NTAQ1: variants seen among roughly 807,000 people sequenced by gnomAD.
The protein encoded by NTAQ1 is N-terminal glutamine amidase 1.
In NTAQ1, 21 loss-of-function variants were observed where a neutral mutation model predicts 28.2. The observed-to-expected ratio is 0.74, with a 90% CI of 0.53 to 1.07. The LOEUF is 1.07. Among genes scored for constraint, NTAQ1 ranks in the 50% least tolerant of loss-of-function variants. NTAQ1 has a pLI of 0.00. For missense variants in NTAQ1, 264 were observed against 256.6 expected, an observed-to-expected ratio of 1.03 and a Z score of -0.20; for synonymous variants, 105 against 90.0, an observed-to-expected ratio of 1.17 and a Z score of -0.94.
chr8:123,465,535 G>A (rs534444260), intron 6 of NTAQ1, among the ~76,000 whole-genome samples: 90 of 143,008 alleles, frequency 6.3e-4, no homozygotes, highest in Non-Finnish European at 1.0e-3. Flanking sequence ...TGTATAGTAC[G>A]TACCCTTTTG....
chr8:123,437,945 T>C (rs3765211), intron 5 of NTAQ1, among the ~76,000 whole-genome samples: 55,096 of 152,024 alleles, frequency 0.36, 10,104 homozygotes, highest in East Asian at 0.56. Flanking sequence ...ACTCGCATGC[T>C]TGTGTCATTT....
At chr8:123,469,798 T>C (rs1466201346) in exon 7 of NTAQ1, among the ~76,000 whole-genome samples, 4 of 152,234 alleles carry the variant, frequency 2.6e-5, no homozygotes, top group Non-Finnish European at 5.9e-5. Context: ...TATAGGTGTG[T>C]ATAAGAGGCA....
At chr8:123,435,394 C>A in intron 3 of NTAQ1, 1 of 873,966 alleles carries the variant, frequency 1.1e-6, no homozygotes, top group Non-Finnish European at 1.4e-6. Flanking sequence ...CTTTTAATTG[C>A]AAAAGTGGTT....
rs566038291 is a variant in NTAQ1 at position 123,437,105 on chromosome 8, T to G, written c.384-105T>G. 19 of 1,423,840 alleles carry G rather than the reference T, an allele frequency of 1.3e-5. No individual in the cohort carries two copies. In the South Asian group the frequency reaches 1.6e-4, roughly 12 times the overall value. 88.2% of individuals were successfully genotyped at this position (1,423,840 alleles called of 1,614,324 possible). On this transcript the variant is annotated intron_variant, in intron 4 of 5. Coordinates refer to ENST00000287387, the MANE Select transcript of NTAQ1 (RefSeq NM_018024.3). ...GTATTACTAACCATACAGAAATGCA[T>G]GAGTAGTTTTGTGCATGTCATAGGA...
downstream of NTAQ1, among the ~76,000 whole-genome samples, chr8:123,470,433 C>T (rs1586975262): frequency 6.6e-6 from 1 of 152,264 alleles, no homozygotes; most frequent in South Asian, 2.1e-4. Context: ...AGGGATGAGG[C>T]CCTACAGGCT....
chr8:123,459,153 G>GA (rs1344027430), intron 6 of NTAQ1, among the ~76,000 whole-genome samples: 3 of 151,712 alleles, frequency 2.0e-5, no homozygotes, highest in African/African-American at 7.3e-5. Context: ...CAGGAGGTGG[G>GA]AGGATCTGTT....
rs111433980 is a variant in NTAQ1 at position 123,417,018 on chromosome 8, C to T, written c.83+86C>T. 2.7e-5 allele frequency: 35 copies of T among 1,285,752 alleles called. No homozygotes were observed. In the East Asian group the frequency reaches 1.1e-3, roughly 40 times the overall value. 79.6% of individuals were successfully genotyped at this position (1,285,752 alleles called of 1,614,324 possible). On this transcript the variant is annotated intron_variant, in intron 1 of 5. Transcript: ENST00000287387. Reference sequence around the variant, plus strand: ...GGGCCCCGCCTCTTCCCGGCCCCTCCTCGGGGGCGCTCCCGGCCTCTACCG... The same window carrying T: ...GGGCCCCGCCTCTTCCCGGCCCCTCTTCGGGGGCGCTCCCGGCCTCTACCG...
downstream of NTAQ1, among the ~76,000 whole-genome samples, chr8:123,471,917 C>G (rs1816045919): frequency 6.6e-6 from 1 of 152,146 alleles, no homozygotes; most frequent in South Asian, 2.1e-4. Context: ...TAAAATTAAC[C>G]ATCACACTTT....
At chr8:123,439,905 AAT>A (rs1174530958) in intron 5 of NTAQ1, among the ~76,000 whole-genome samples, 1 of 151,812 alleles carries the variant, frequency 6.6e-6, no homozygotes, top group African/African-American at 2.4e-5. Flanking sequence ...AATGAGCCAA[AAT>A]TGCACCACTG....
chr8:123,470,798 T>C (rs1212417106), downstream of NTAQ1, among the ~76,000 whole-genome samples: 3 of 152,230 alleles, frequency 2.0e-5, no homozygotes, highest in African/African-American at 7.2e-5. Context: ...CTTGCCTCTT[T>C]TAGCTTCTGG....
Position 123,460,624 on chromosome 8 carries a change from A to G in NTAQ1, c.373-6455A>G, listed in dbSNP as rs59186807. Among the ~76,000 whole-genome samples, 500 of 152,288 alleles carry G rather than the reference A, an allele frequency of 3.3e-3. 6 individuals carry two copies. Among genetic ancestry groups the G allele is most frequent in the African/African-American group, 0.012 (479 of 41,556 alleles). ...ATGTAGGGCTGAATCTTGTAGGAAA[A>G]AAGCGGTCAGGGTAAGCTCTTCAAC... On this transcript the variant is annotated intron_variant, in intron 6 of 6. Transcript: ENST00000650311.
downstream of NTAQ1, among the ~76,000 whole-genome samples, chr8:123,444,371 T>C (rs1368480178): frequency 6.6e-6 from 1 of 152,144 alleles, no homozygotes; most frequent in Non-Finnish European, 1.5e-5. Flanking sequence ...GGCTAATTTT[T>C]GTATTTTTAG....
chr8:123,440,835 C>T (rs558745491), intron 5 of NTAQ1, among the ~76,000 whole-genome samples: 3 of 152,124 alleles, frequency 2.0e-5, no homozygotes, highest in Non-Finnish European at 4.4e-5. Flanking sequence ...AATTTAGCCC[C>T]CCTACTCTGA....
intron 1 of NTAQ1, among the ~76,000 whole-genome samples, chr8:123,423,402 C>T (rs989600415): frequency 6.8e-6 from 1 of 146,888 alleles, no homozygotes; most frequent in African/African-American, 2.5e-5. Flanking sequence ...CTTTTCCTTC[C>T]TTTCCCTCCT....
chr8:123,454,181 TAGTA>T (rs968595948), intron 6 of NTAQ1, among the ~76,000 whole-genome samples: 1 of 152,196 alleles, frequency 6.6e-6, no homozygotes, highest in Non-Finnish European at 1.5e-5. Context: ...GGTTCTGGTT[TAGTA>T]AGCATCCCAG....
chr8:123,420,522 C>T (rs1813612770), intron 1 of NTAQ1, among the ~76,000 whole-genome samples: 1 of 151,762 alleles, frequency 6.6e-6, no homozygotes, highest in African/African-American at 2.4e-5. Flanking sequence ...AACTAATTTA[C>T]ATTCCCACCA....
At chr8:123,437,048 C>G (rs926669981) in intron 4 of NTAQ1, among the ~76,000 whole-genome samples, 162 bp from the exon 5 acceptor site, 3 of 152,108 alleles carry the variant, frequency 2.0e-5, no homozygotes, top group African/African-American at 7.2e-5. Flanking sequence ...TGATCATTTC[C>G]TATGCTTCTC....
chr8:123,420,916 A>G (rs1000414250), intron 1 of NTAQ1, among the ~76,000 whole-genome samples: 6 of 151,314 alleles, frequency 4.0e-5, no homozygotes, highest in Non-Finnish European at 7.4e-5. Flanking sequence ...CCTCCTAAGT[A>G]GCTGGGACTA....
At chr8:123,436,039 C>T (rs776670195) in intron 3 of NTAQ1, among the ~76,000 whole-genome samples, 1 of 148,080 alleles carries the variant, frequency 6.8e-6, no homozygotes, top group Non-Finnish European at 1.5e-5. Context: ...CATCGTGGTG[C>T]GCGCTTGTAA....
Sources: gnomAD v4.1 joint callset for allele counts (sites outside exome capture counted in the v4.1 genomes callset) on GRCh38, gnomAD v4.1.1 for gene constraint, MANE v1.5 for transcripts, NCBI Gene and HGNC (gene_info 2026-07-23, HGNC 2026-07-21) for gene names.